The following SEPTIN12 variants were observed in gnomAD, a reference collection of about 807,000 sequenced individuals.
SEPTIN12 encodes septin-12.
SEPTIN12 carries 42 observed loss-of-function variants against 37.7 expected under a neutral mutation model. That is an observed-to-expected ratio of 1.11 (90% CI 0.87 to 1.44). The LOEUF (loss-of-function observed/expected upper bound fraction) is 1.44, where lower values mean the gene tolerates loss of function less well. Ranked by LOEUF, SEPTIN12 falls within the 40% of genes most tolerant of loss-of-function variation. The probability of loss-of-function intolerance (pLI) is 0.00; values close to 1 mark genes in which losing one functional copy is unlikely to be tolerated. For synonymous variants in SEPTIN12, 254 were observed against 196.7 expected, an observed-to-expected ratio of 1.29 and a Z score of -2.44; for missense variants, 613 against 479.2, an observed-to-expected ratio of 1.28 and a Z score of -2.61.
chr16:4,783,402 A>ATGGAAAGGATGTG (rs747808267), intron 7 of SEPTIN12, 60 bp downstream of exon 7: 1 of 1,221,424 alleles, frequency 8.2e-7, no homozygotes, highest in Non-Finnish European at 1.2e-6. Flanking sequence ...GAGTCTTTGG[A>ATGGAAAGGATGTG]TGGAAAGGAT....
upstream of SEPTIN12, chr16:4,789,877 CTTTCTTT>C: frequency 6.6e-6 from 1 of 151,860 alleles, no homozygotes; most frequent in African/African-American, 2.4e-5. Context: ...AATGTTTTCT[CTTTCTTT>C]TTTCTTTCTT....
intron 8 of SEPTIN12, among the ~76,000 whole-genome samples, chr16:4,779,082 G>A (rs1463072463): frequency 6.6e-6 from 1 of 152,038 alleles, no homozygotes; most frequent in African/African-American, 2.4e-5. Flanking sequence ...AGGTTGCAGT[G>A]AGCCGAGATC....
Position 4,777,970 on chromosome 16 carries a change from T to A in SEPTIN12, c.904A>T (p.Thr302Ser). The A allele has an allele frequency of 6.2e-7, 1 of 1,611,474 alleles. No homozygotes were observed. The highest frequency in any genetic ancestry group is 8.5e-7 in the Non-Finnish European group (1 of 1,178,952). Residue 302 changes from threonine (T) to serine (S), a missense_variant, in exon 10 of 10, where the codon ACC (threonine) becomes TCC (serine). Physicochemically the swap from Thr to Ser is moderately conservative, Grantham distance 58 (BLOSUM62 1). Coordinates refer to ENST00000268231, the MANE Select transcript of SEPTIN12 (RefSeq NM_144605.5). ...TAGTTCTCATAGTGGATGTTGTGGG[T>A]TATGTCCTTCAGGTCTTGGAGGTGG... ...RSHLQDLKDI[T>S]HNIHYENYRV...
chr16:4,787,422 GC>G, intron 2 of SEPTIN12, 57 bp downstream of exon 2: 1 of 1,532,850 alleles, frequency 6.5e-7, no homozygotes. Flanking sequence ...GAGGCCACAC[GC>G]CCAGGCACGC....
At chr16:4,790,493 T>TA (rs2082535278), upstream of SEPTIN12, among the ~76,000 whole-genome samples, 1 of 152,152 alleles carries the variant, frequency 6.6e-6, no homozygotes, top group South Asian at 2.1e-4. Context: ...CTTAAAGGCT[T>TA]AGAGGCTAGG....
chr16:4,785,124 T>C (rs972022714), intron 4 of SEPTIN12, among the ~76,000 whole-genome samples: 2 of 151,642 alleles, frequency 1.3e-5, no homozygotes, highest in African/African-American at 4.8e-5. Context: ...TTGGCGGATG[T>C]CTGTAATCCC....
rs988474972 is a variant in SEPTIN12 at position 4,784,286 on chromosome 16, T to C, written c.375-218A>G. ...ATTCTCGGCTTCACTGTCTGTAAAATGGAGACAATAGTAGCACCTACGTTG... is the reference window on the plus strand; with the variant it reads ...ATTCTCGGCTTCACTGTCTGTAAAACGGAGACAATAGTAGCACCTACGTTG... On this transcript the variant is annotated intron_variant, in intron 4 of 9. Coordinates refer to ENST00000268231, the MANE Select transcript of SEPTIN12 (RefSeq NM_144605.5). 11 of 571,406 alleles carry C rather than the reference T, an allele frequency of 1.9e-5. No individual in the cohort carries two copies. The African/African-American group carries it at 2.1e-4, about 11-fold the overall frequency. 35.4% of individuals were successfully genotyped at this position (571,406 alleles called of 1,614,324 possible).
intron 7 of SEPTIN12, among the ~76,000 whole-genome samples, chr16:4,783,106 A>C (rs2082390333): frequency 7.0e-6 from 1 of 143,056 alleles, no homozygotes; most frequent in Admixed American, 7.0e-5. Context: ...ACAAGGTTTC[A>C]CCATGTTGGC....
At position 4,778,865 on chromosome 16, in the gene SEPTIN12, C is replaced by G. The variant is rs368100836; in HGVS notation, c.824-728G>C. Among the ~76,000 whole-genome samples the G allele has an allele frequency of 6.6e-5, 10 of 151,610 alleles. No individual in the cohort carries two copies. In the East Asian group the frequency reaches 1.7e-3, roughly 26 times the overall value. Reference sequence around the variant, plus strand: ...TATAATAATACATCACCTGACCGGGCGCGGTGGCACACGCCTGTAATCCCA... The same window carrying G: ...TATAATAATACATCACCTGACCGGGGGCGGTGGCACACGCCTGTAATCCCA... On this transcript the variant is annotated intron_variant, in intron 8 of 9. Coordinates refer to ENST00000268231, the MANE Select transcript of SEPTIN12 (RefSeq NM_144605.5).
In SEPTIN12 at chr16:4,783,472, C is replaced by G. The variant is rs747113562; in HGVS notation, c.716G>C (p.Ser239Thr). The G allele has an allele frequency of 1.4e-5, 22 of 1,613,714 alleles. No homozygotes were observed. The highest frequency in any genetic ancestry group is 2.7e-5 in the African/African-American group (2 of 74,918). The change falls in exon 7 of 10, where the codon AGC (serine) becomes ACC (threonine). Residue 239 changes from serine to threonine, a missense_variant. Transcript: ENST00000268231. The part of the protein sequence containing the change: ...DEDINDKILN[S>T]KLRDRIPFAV... Reference sequence around the variant, plus strand: ...CCCACAGCCTCTCACCCGTAACTTGCTGTTGAGGATTTTGTCATTGATGTC... The same window carrying G: ...CCCACAGCCTCTCACCCGTAACTTGGTGTTGAGGATTTTGTCATTGATGTC...
chr16:4,785,926 AGGTGGGATGGGGTGG>A (rs1486631429), intron 3 of SEPTIN12, 38 bp from the exon 4 acceptor site: 1 of 905,098 alleles, frequency 1.1e-6, no homozygotes, highest in Non-Finnish European at 1.6e-6. Context: ...GACTGGACCC[AGGTGGGATGGGGTGG>A]GGCAGGGTGG....
At chr16:4,791,793 T>C (rs1242680441), upstream of SEPTIN12, among the ~76,000 whole-genome samples, 5 of 152,092 alleles carry the variant, frequency 3.3e-5, no homozygotes, top group Non-Finnish European at 7.4e-5. Context: ...GTTCAAGTGA[T>C]TCTCCTGCCT....
chr16:4,784,619 A>C (rs1036355883), intron 4 of SEPTIN12, among the ~76,000 whole-genome samples: 3 of 90,778 alleles, frequency 3.3e-5, no homozygotes, highest in African/African-American at 1.0e-4. Context: ...AAAATACACA[A>C]ATTAGCTCGG....
intron 4 of SEPTIN12, among the ~76,000 whole-genome samples, chr16:4,785,536 G>C (rs952090896): frequency 6.6e-6 from 1 of 152,026 alleles, no homozygotes; most frequent in Non-Finnish European, 1.5e-5. Flanking sequence ...CACTTTGGGA[G>C]GCCGAGGCGG....
Position 4,777,754 on chromosome 16 carries a change from C to CT in SEPTIN12, c.*42dup, listed in dbSNP as rs2082326494. ...GTACATAGGTGTGTGTTGAGAGCCG[C>CT]TGGGGACTCAGGAAGCCCAGCAGCC... On this transcript the variant is annotated 3_prime_UTR_variant, in exon 10 of 10. Coordinates refer to ENST00000268231, the MANE Select transcript of SEPTIN12 (RefSeq NM_144605.5). The CT allele has an allele frequency of 1.5e-5, 21 of 1,381,946 alleles. No individual in the cohort carries two copies. Among genetic ancestry groups the CT allele is most frequent in the African/African-American group, 2.9e-5 (2 of 68,866 alleles). The allele number at this position is 1,381,946 out of a possible 1,614,324, so 85.6% of individuals were successfully genotyped here.
At position 4,787,552 on chromosome 16, in the gene SEPTIN12, T is replaced by C. The variant is rs779512380; in HGVS notation, c.94A>G (p.Ile32Val). 10 of 1,611,788 alleles carry C rather than the reference T, an allele frequency of 6.2e-6. No homozygotes were observed. Among genetic ancestry groups the C allele is most frequent in the South Asian group, 1.1e-5 (1 of 91,086 alleles). The change falls in exon 2 of 10, where the codon ATT becomes GTT. Residue 32 changes from isoleucine to valine, a missense_variant. Physicochemically the swap from Ile to Val is conservative, Grantham distance 29. Coordinates refer to ENST00000268231, the MANE Select transcript of SEPTIN12 (RefSeq NM_144605.5). ...PPCEMLGPVGIEAVLDQLKIK... is the reference protein window; with the variant it reads ...PPCEMLGPVGVEAVLDQLKIK... ...TTCAGCTGGTCCAGCACAGCCTCAA[T>C]GCCCACAGGACCAAGCATCTCGCAG...
chr16:4,789,613 C>A (rs1173788105), upstream of SEPTIN12, among the ~76,000 whole-genome samples: 1 of 152,074 alleles, frequency 6.6e-6, no homozygotes, highest in Non-Finnish European at 1.5e-5. Flanking sequence ...GGCGTTAGCC[C>A]CTGCGCCCAG....
intron 2 of SEPTIN12, 129 bp downstream of exon 2, chr16:4,787,351 T>G: frequency 1.2e-6 from 1 of 841,782 alleles, no homozygotes; most frequent in Non-Finnish European, 2.0e-6. Context: ...ACAACATCCC[T>G]GTGAGGTGCT....
In SEPTIN12 at chr16:4,783,916, G is replaced by C; in HGVS notation, c.512+15C>G. ...CGTGCAGGTGGTCCTCGCCTTGCAG[G>C]TGCAGCCCCCTCACCAGTGCCCAGT... On this transcript the variant is annotated intron_variant, in intron 5 of 9. Transcript: ENST00000268231. The C allele has an allele frequency of 3.1e-6, 5 of 1,613,934 alleles. No homozygotes were observed. The highest frequency in any genetic ancestry group is 4.2e-6 in the Non-Finnish European group (5 of 1,179,862).
Sources: allele counts gnomAD v4.1 joint callset (sites outside exome capture counted in the v4.1 genomes callset), GRCh38; gene constraint gnomAD v4.1.1; transcripts MANE v1.5; gene names NCBI Gene and HGNC (gene_info 2026-07-23, HGNC 2026-07-21).